HS6ST3: variants seen among roughly 807,000 people sequenced by gnomAD.
The protein encoded by HS6ST3 is heparan-sulfate 6-O-sulfotransferase 3.
A neutral mutation model predicts 36.7 loss-of-function variants in HS6ST3; 12 were observed. The observed-to-expected ratio is 0.33, with a 90% CI of 0.21 to 0.53. The LOEUF (loss-of-function observed/expected upper bound fraction) is 0.53. HS6ST3 is among the 20% of genes least tolerant of loss of function. The pLI, the probability that HS6ST3 is intolerant of heterozygous loss-of-function variation, is 0.95. For missense variants in HS6ST3, 584 were observed against 640.9 expected (o/e 0.91, Z 0.96); for synonymous variants, 240 against 257.5 (o/e 0.93, Z 0.65).
chr13:96,432,157 A>C (rs1481871437), intron 1 of HS6ST3, among the ~76,000 whole-genome samples: 14 of 152,166 alleles, frequency 9.2e-5, no homozygotes, highest in Admixed American at 9.2e-4. Context: ...CCAAAGTGAT[A>C]CCTTATCCCT....
chr13:96,450,412 A>T (rs2055721805), intron 1 of HS6ST3, among the ~76,000 whole-genome samples: 1 of 152,192 alleles, frequency 6.6e-6, no homozygotes, highest in East Asian at 1.9e-4. Flanking sequence ...TTGACTTTTT[A>T]TAGAATTATT....
Position 96,453,192 on chromosome 13 carries a change from A to AG in HS6ST3, c.707+361623_707+361624insG, listed in dbSNP as rs2055737398. On this transcript the variant is annotated intron_variant, in intron 1 of 1. Transcript: ENST00000376705. ...AAAATGCTCTTTTTAAAAAAAAAAAAAAAAGAAAAAAAGATTTAGAGAGTA... is the reference window on the plus strand; with the variant it reads ...AAAATGCTCTTTTTAAAAAAAAAAAAGAAAAGAAAAAAAGATTTAGAGAGTA... 2.0e-5 allele frequency among the ~76,000 whole-genome samples: 3 copies of AG among 152,128 alleles called. No homozygotes were observed. The South Asian group carries it at 6.2e-4, about 32-fold the overall frequency.
chr13:96,724,118 C>T (rs1875925365), intron 1 of HS6ST3, among the ~76,000 whole-genome samples: 1 of 152,164 alleles, frequency 6.6e-6, no homozygotes, highest in South Asian at 2.1e-4. Flanking sequence ...TCACAACACT[C>T]TGGAGAGATT....
intron 1 of HS6ST3, among the ~76,000 whole-genome samples, chr13:96,342,828 G>A (rs780479417): frequency 2.6e-5 from 4 of 152,104 alleles, no homozygotes; most frequent in Non-Finnish European, 5.9e-5. Flanking sequence ...CTGTTGTTAG[G>A]CTTTGTGTTA....
chr13:96,579,656 T>G (rs980960510), intron 1 of HS6ST3, among the ~76,000 whole-genome samples: 1 of 152,168 alleles, frequency 6.6e-6, no homozygotes, highest in Non-Finnish European at 1.5e-5. Flanking sequence ...CTAAGCGAGA[T>G]ATCATCAGGG....
chr13:96,721,047 A>T (rs1217909848), intron 1 of HS6ST3, among the ~76,000 whole-genome samples: 1 of 152,196 alleles, frequency 6.6e-6, no homozygotes, highest in African/African-American at 2.4e-5. Flanking sequence ...GGGGACCTAG[A>T]AACTGTGAAT....
chr13:96,828,708 A>G (rs892682971), intron 1 of HS6ST3, among the ~76,000 whole-genome samples: 8 of 152,236 alleles, frequency 5.3e-5, no homozygotes, highest in Admixed American at 4.6e-4. Flanking sequence ...CATGCCTGGC[A>G]CTTCACAAGT....
chr13:96,759,402 A>T (rs189856081), intron 1 of HS6ST3, among the ~76,000 whole-genome samples: 1 of 151,762 alleles, frequency 6.6e-6, no homozygotes, highest in Admixed American at 6.6e-5. Flanking sequence ...ACATTTTTAA[A>T]ATTTTAGTTT....
chr13:96,613,048 T>C (rs1232672825), intron 1 of HS6ST3, among the ~76,000 whole-genome samples: 1 of 152,188 alleles, frequency 6.6e-6, no homozygotes, highest in African/African-American at 2.4e-5. Context: ...CAAAAGTCCC[T>C]TTATCAGAGA....
chr13:96,265,368 TG>T (rs1311867288), intron 1 of HS6ST3, among the ~76,000 whole-genome samples: 49 of 152,054 alleles, frequency 3.2e-4, no homozygotes, highest in Non-Finnish European at 4.4e-4. Context: ...TTTATAGAGA[TG>T]GTGTCTCATT....
chr13:96,659,338 T>G (rs947185151), intron 1 of HS6ST3, among the ~76,000 whole-genome samples: 5 of 152,176 alleles, frequency 3.3e-5, no homozygotes, highest in Non-Finnish European at 7.4e-5. Context: ...AATCTTTTGT[T>G]CAATTTTAAA....
intron 1 of HS6ST3, among the ~76,000 whole-genome samples, chr13:96,785,799 C>T (rs138852215): frequency 7.9e-5 from 12 of 152,180 alleles, no homozygotes; most frequent in Non-Finnish European, 1.3e-4. Context: ...ATGGAACCTG[C>T]ACAATTCTGG....
Position 96,391,526 on chromosome 13 carries a change from C to T in HS6ST3, c.707+299957C>T, listed in dbSNP as rs1438409865. ...TCATACTATAGATGTCCTTTTTGTG[C>T]TCTGTATTAGCCTGTTTTCACACTG... is the stretch of plus-strand genomic sequence containing the variant. On this transcript the variant is annotated intron_variant, in intron 1 of 1. Transcript: ENST00000376705. Among the ~76,000 whole-genome samples the T allele has an allele frequency of 2.0e-4, 31 of 152,204 alleles. 1 individual carries two copies. Among genetic ancestry groups the T allele is most frequent in the Admixed American group, 1.4e-3 (22 of 15,276 alleles).
intron 1 of HS6ST3, among the ~76,000 whole-genome samples, chr13:96,698,887 G>T (rs1202865038): frequency 6.6e-6 from 1 of 152,172 alleles, no homozygotes; most frequent in Non-Finnish European, 1.5e-5. Context: ...GCATGGTACT[G>T]GTGCCGAAAC....
intron 1 of HS6ST3, among the ~76,000 whole-genome samples, chr13:96,721,477 T>C (rs760004420): frequency 9.2e-5 from 14 of 152,300 alleles, no homozygotes; most frequent in Non-Finnish European, 1.9e-4. Flanking sequence ...AGACACATCA[T>C]TTTCATGGAA....
intron 1 of HS6ST3, among the ~76,000 whole-genome samples, chr13:96,295,565 T>G (rs2139401051): frequency 6.6e-6 from 1 of 152,222 alleles, no homozygotes; most frequent in Middle Eastern, 3.4e-3. Context: ...GCGATCCAGG[T>G]GTTTCCCCAT....
intron 1 of HS6ST3, among the ~76,000 whole-genome samples, chr13:96,671,351 G>A (rs2056682050): frequency 6.6e-6 from 1 of 152,054 alleles, no homozygotes; most frequent in African/African-American, 2.4e-5. Flanking sequence ...TCTTCCCAGT[G>A]TGATTGAGAG....
chr13:96,468,049 C>T (rs919475997), intron 1 of HS6ST3, among the ~76,000 whole-genome samples: 1 of 152,154 alleles, frequency 6.6e-6, no homozygotes, highest in African/African-American at 2.4e-5. Context: ...TTCAGTCCTA[C>T]GTTTCTTTAT....
intron 1 of HS6ST3, among the ~76,000 whole-genome samples, chr13:96,372,363 G>A (rs963558802): frequency 1.3e-5 from 2 of 151,948 alleles, no homozygotes; most frequent in African/African-American, 4.8e-5. Flanking sequence ...TGAATTCCTT[G>A]TATATTTTGG....
Sources: gnomAD v4.1 joint callset for allele counts (sites outside exome capture counted in the v4.1 genomes callset) on GRCh38, gnomAD v4.1.1 for gene constraint, MANE v1.5 for transcripts, NCBI Gene and HGNC (gene_info 2026-07-23, HGNC 2026-07-21) for gene names.